Variants in FXYD6 observed in about 807,000 individuals in gnomAD.
The protein encoded by FXYD6 is FXYD domain-containing ion transport regulator 6.
In FXYD6, 7 loss-of-function variants were observed where a neutral mutation model predicts 16.7. That is an observed-to-expected ratio of 0.42 (90% confidence interval 0.24 to 0.79). The LOEUF (loss-of-function observed/expected upper bound fraction) is 0.79, where lower values mean the gene tolerates loss of function less well. Ranked by LOEUF, FXYD6 falls within the 30% of genes least tolerant of loss-of-function variation. The pLI is 0.28. For missense variants in FXYD6, 111 were observed against 116.2 expected (o/e 0.95, Z 0.21); for synonymous variants, 49 against 43.0 (o/e 1.14, Z -0.54).
chr11:117,865,368 T>C (rs1245961196), intron 1 of FXYD6, among the ~76,000 whole-genome samples: 1 of 152,204 alleles, frequency 6.6e-6, no homozygotes, highest in African/African-American at 2.4e-5. Context: ...TCTGGATATA[T>C]ACCCAAAAGA....
At chr11:117,844,388 A>ACT (rs2134142379) in intron 1 of FXYD6, among the ~76,000 whole-genome samples, 2 of 152,282 alleles carry the variant, frequency 1.3e-5, no homozygotes, top group South Asian at 4.1e-4. Flanking sequence ...TAGGAAATGG[A>ACT]GCTTTACAAA....
chr11:117,857,278 C>A (rs1192152931), intron 1 of FXYD6, among the ~76,000 whole-genome samples: 1 of 152,150 alleles, frequency 6.6e-6, no homozygotes, highest in African/African-American at 2.4e-5. Flanking sequence ...TTCCCATGAT[C>A]CCCAGGTGAT....
chr11:117,850,645 T>G (rs79717347), intron 1 of FXYD6, among the ~76,000 whole-genome samples: 20,944 of 152,212 alleles, frequency 0.14, 1,519 homozygotes, highest in Middle Eastern at 0.23. Flanking sequence ...CTTTCTTTTT[T>G]CTGGATTAGT....
Position 117,870,125 on chromosome 11 carries a change from A to G in FXYD6, c.-6+6467T>C, listed in dbSNP as rs1434175210. Among the ~76,000 whole-genome samples, 3 of 152,246 alleles carry G rather than the reference A, an allele frequency of 2.0e-5. No homozygotes were observed. The highest frequency in any genetic ancestry group is 6.5e-5 in the Admixed American group (1 of 15,290). The stretch of plus-strand genomic sequence containing the variant: ...TCTCACAACAGCCCTCAGAAGCAGA[A>G]ACACAGAACAGTACTGCGAGGCCAA... On this transcript the variant is annotated intron_variant, in intron 1 of 7. Coordinates refer to ENST00000526014, the MANE Select transcript of FXYD6 (RefSeq NM_022003.4). The surrounding 1 kb of genome is among the most constrained non-coding windows in gnomAD (Gnocchi z 4.2).
chr11:117,867,134 G>A (rs765902985), intron 1 of FXYD6, among the ~76,000 whole-genome samples: 7 of 152,316 alleles, frequency 4.6e-5, no homozygotes, highest in African/African-American at 1.4e-4. Context: ...GAGAAAGAGC[G>A]TACTTTTGGA....
chr11:117,874,510 C>A (rs1193984039), intron 1 of FXYD6, among the ~76,000 whole-genome samples: 1 of 152,198 alleles, frequency 6.6e-6, no homozygotes, highest in Admixed American at 6.5e-5. Flanking sequence ...CCCTAACTTT[C>A]GCTTTCTTGA....
At chr11:117,841,638 C>T in intron 4 of FXYD6, 153 bp downstream of exon 4, 1 of 751,232 alleles carries the variant, frequency 1.3e-6, no homozygotes, top group Non-Finnish European at 2.2e-6. Flanking sequence ...TTACTATGTG[C>T]CCAGCACTCT....
chr11:117,866,135 G>A (rs1163988343), intron 1 of FXYD6, among the ~76,000 whole-genome samples: 4 of 116,076 alleles, frequency 3.4e-5, no homozygotes, highest in Admixed American at 9.2e-5. Context: ...CAGGGGCACC[G>A]GGAAGGGGGG....
intron 1 of FXYD6, among the ~76,000 whole-genome samples, chr11:117,871,633 GGAT>G (rs1348116662): frequency 2.0e-5 from 3 of 152,136 alleles, no homozygotes; most frequent in Non-Finnish European, 4.4e-5. Context: ...GAGCCACGAA[GGAT>G]GATATAACAA....
chr11:117,841,194 A>G lies in FXYD6; in HGVS notation c.173-10T>C. On this transcript the variant is annotated splice_polypyrimidine_tract_variant and intron_variant, in intron 4 of 7. Coordinates refer to ENST00000526014, the MANE Select transcript of FXYD6 (RefSeq NM_022003.4). ...CACTTGCACCTGCGACCTGAAAAGC[A>G]AAGAAACCATCCAAGGTCATGCTGC... 6 of 1,614,142 alleles carry G rather than the reference A, an allele frequency of 3.7e-6. No homozygotes were observed. Among genetic ancestry groups the G allele is most frequent in the Non-Finnish European group, 5.1e-6 (6 of 1,180,030 alleles).
chr11:117,839,915 A>C, intron 6 of FXYD6, 85 bp from the exon 7 acceptor site: 1 of 1,559,778 alleles, frequency 6.4e-7, no homozygotes, highest in Non-Finnish European at 8.8e-7. Flanking sequence ...TCTCTGCCTG[A>C]CTCTGGGGGA....
intron 1 of FXYD6, among the ~76,000 whole-genome samples, chr11:117,855,747 C>T (rs2056710907): frequency 6.6e-6 from 1 of 152,214 alleles, no homozygotes; most frequent in South Asian, 2.1e-4. Context: ...ACAGGGCATG[C>T]ACCGCCACCT....
At chr11:117,851,985 G>A (rs1162271211) in intron 1 of FXYD6, among the ~76,000 whole-genome samples, 1 of 152,220 alleles carries the variant, frequency 6.6e-6, no homozygotes, top group Non-Finnish European at 1.5e-5. Context: ...TTTCTCCCTT[G>A]CTGGCTTGAA....
intron 3 of FXYD6, 52 bp from the exon 4 acceptor site, chr11:117,841,917 G>C: frequency 6.2e-7 from 1 of 1,613,882 alleles, no homozygotes; most frequent in Non-Finnish European, 8.5e-7. Context: ...GAGGGTGTCT[G>C]TTCCCCCTAC....
At chr11:117,842,111 G>A (rs2056361177) in intron 2 of FXYD6, 83 bp from the exon 3 acceptor site, 1 of 1,599,294 alleles carries the variant, frequency 6.3e-7, no homozygotes, top group African/African-American at 1.3e-5. Flanking sequence ...ACAGACCTCA[G>A]TCTCCACAAA....
chr11:117,843,684 TCC>T (rs1333047670), intron 1 of FXYD6: 1 of 152,132 alleles, frequency 6.6e-6, no homozygotes, highest in Non-Finnish European at 1.5e-5. Flanking sequence ...AGTCAGCTCT[TCC>T]CACAGGCTTT....
intron 1 of FXYD6, among the ~76,000 whole-genome samples, chr11:117,855,306 C>T (rs1210476158): frequency 1.3e-5 from 2 of 152,178 alleles, no homozygotes; most frequent in African/African-American, 2.4e-5. Context: ...TGGGCTACAT[C>T]AACCACACCT....
intron 1 of FXYD6, among the ~76,000 whole-genome samples, chr11:117,857,025 T>A (rs115524104): frequency 6.6e-6 from 1 of 151,880 alleles, no homozygotes; most frequent in East Asian, 1.9e-4. Context: ...GGAAGGGGGG[T>A]AGCCTGGCTG....
chr11:117,865,300 T>G (rs2056991157), intron 1 of FXYD6, among the ~76,000 whole-genome samples: 1 of 152,204 alleles, frequency 6.6e-6, no homozygotes, highest in African/African-American at 2.4e-5. Flanking sequence ...TGGAAAACAG[T>G]ACAGTGGTTC....
Sources: gnomAD v4.1 joint callset for allele counts (sites outside exome capture counted in the v4.1 genomes callset) on GRCh38, gnomAD v4.1.1 for gene constraint, Gnocchi (gnomAD v3.1) non-coding constraint, MANE v1.5 for transcripts, NCBI Gene and HGNC (gene_info 2026-07-23, HGNC 2026-07-21) for gene names.